The following PROM1 variants were observed in gnomAD, a reference collection of about 807,000 sequenced individuals.
PROM1 encodes prominin-1.
PROM1 carries 105 observed loss-of-function variants against 116.9 expected under a neutral mutation model. The ratio of observed to expected loss-of-function variants is 0.90; its 90% CI spans 0.77 to 1.06. The LOEUF (loss-of-function observed/expected upper bound fraction) is 1.06, where lower values mean the gene tolerates loss of function less well. Ranked by LOEUF, PROM1 falls within the 50% of genes least tolerant of loss-of-function variation. The pLI, the probability that PROM1 is intolerant of heterozygous loss-of-function variation, is 0.00. For missense variants in PROM1, 1,122 were observed against 1,045.2 expected (o/e 1.07, Z -1.01); for synonymous variants, 393 against 387.0 (o/e 1.02, Z -0.18).
chr4:16,020,919 A>T (rs1270498193), intron 8 of PROM1, among the ~76,000 whole-genome samples: 1 of 152,166 alleles, frequency 6.6e-6, no homozygotes, highest in African/African-American at 2.4e-5. Flanking sequence ...TATCTGAAGT[A>T]AGTGGAAAAG....
rs56331443 is a variant in PROM1 at position 15,984,545 on chromosome 4, T to A, written c.2281-190A>T. ...GTCCACAGCCTGTTAGGAACTGGGC[T>A]CCACAGCAGGAAGTGAGGGGCGGGT... On this transcript the variant is annotated intron_variant, in intron 22 of 27. Transcript: ENST00000447510. 0.049 allele frequency among the ~76,000 whole-genome samples: 7,451 copies of A among 152,258 alleles called. 265 individuals are homozygous for A. Among genetic ancestry groups the A allele is most frequent in the Non-Finnish European group, 0.073 (4,962 of 68,014 alleles).
chr4:16,041,785 A>AATAAAT lies in PROM1; in HGVS notation c.221-2785_221-2784insATTTAT, dbSNP rs1207310213. 9.7e-3 allele frequency among the ~76,000 whole-genome samples: 366 copies of AATAAAT among 37,550 alleles called. 1 individual carries two copies. Among genetic ancestry groups the AATAAAT allele is most frequent in the South Asian group, 0.038 (38 of 988 alleles). 24.6% of individuals were successfully genotyped at this position (37,550 alleles called of 152,430 possible). ...AAATAAATAAATAAATAAATAAATA[A>AATAAAT]ATATATATATATATATATATATGAA... On this transcript the variant is annotated intron_variant, in intron 2 of 27. Coordinates refer to ENST00000447510, the MANE Select transcript of PROM1 (RefSeq NM_006017.3).
chr4:16,027,960 C>A (rs902529507), intron 5 of PROM1, among the ~76,000 whole-genome samples: 1 of 152,100 alleles, frequency 6.6e-6, no homozygotes, highest in South Asian at 2.1e-4. Flanking sequence ...ATATTTTAGA[C>A]CTACATTTCT....
rs565651436 is a variant in PROM1 at position 16,072,501 on chromosome 4, A to G, written c.220+3186T>C. On this transcript the variant is annotated intron_variant, in intron 2 of 27. Coordinates refer to ENST00000447510, the MANE Select transcript of PROM1 (RefSeq NM_006017.3). ...CAGTGAAAGAGATCTGACCTAACCA[A>G]CTCCATCTTGCTTCTAACCTCCAAC... is the stretch of plus-strand genomic sequence containing the variant. Among the ~76,000 whole-genome samples, 18 of 152,110 alleles carry G rather than the reference A, an allele frequency of 1.2e-4. No individual in the cohort carries two copies. The South Asian group carries it at 1.2e-3, about 11-fold the overall frequency.
At chr4:16,021,136 A>G (rs1407795048) in intron 8 of PROM1, among the ~76,000 whole-genome samples, 1 of 151,628 alleles carries the variant, frequency 6.6e-6, no homozygotes, top group Non-Finnish European at 1.5e-5. Context: ...TTTATTAAGC[A>G]TGTTTTAAGA....
chr4:16,024,091 G>A (rs553407115), intron 7 of PROM1, among the ~76,000 whole-genome samples: 1 of 152,298 alleles, frequency 6.6e-6, no homozygotes, highest in Non-Finnish European at 1.5e-5. Flanking sequence ...AAAAACAAAA[G>A]GTCCTGCTGC....
Position 15,968,247 on chromosome 4 carries a change from T to C in PROM1, c.*1146A>G, listed in dbSNP as rs1221674763. ...AGACCATGTTTTCCAAGTTCCTTTTTATTCAAATGAATCAGAACTGCAATC... is the reference window on the plus strand; with the variant it reads ...AGACCATGTTTTCCAAGTTCCTTTTCATTCAAATGAATCAGAACTGCAATC... On this transcript the variant is annotated 3_prime_UTR_variant, in exon 28 of 28. Transcript: ENST00000447510. 6.6e-6 allele frequency: 1 copy of C among 152,248 alleles called. No individual in the cohort carries two copies. Among genetic ancestry groups the C allele is most frequent in the Non-Finnish European group, 1.5e-5 (1 of 68,036 alleles). 9.4% of individuals were successfully genotyped at this position (152,248 alleles called of 1,614,324 possible). A position where few individuals can be genotyped will look rare whatever the true frequency, so the allele number is the denominator to read the frequency against.
chr4:16,024,192 G>T, intron 7 of PROM1, 103 bp downstream of exon 7: 1 of 1,029,806 alleles, frequency 9.7e-7, no homozygotes, highest in Non-Finnish European at 1.5e-6. Flanking sequence ...TCATCTTTCT[G>T]TCTTCCCCCA....
At chr4:16,036,070 T>G (rs987311200) in intron 3 of PROM1, among the ~76,000 whole-genome samples, 40 of 152,300 alleles carry the variant, frequency 2.6e-4, no homozygotes, top group African/African-American at 7.9e-4. Flanking sequence ...TACAAATGCT[T>G]AACACACTAA....
chr4:15,977,889 C>T lies in PROM1; in HGVS notation c.2582+1506G>A, dbSNP rs552303965. ...CTGGGATTACAGGCATGAGCCACCGCGCTTGGCCAAGAACTTGATTTTTTT... is the reference window on the plus strand; with the variant it reads ...CTGGGATTACAGGCATGAGCCACCGTGCTTGGCCAAGAACTTGATTTTTTT... On this transcript the variant is annotated intron_variant, in intron 26 of 27. Coordinates refer to ENST00000447510, the MANE Select transcript of PROM1 (RefSeq NM_006017.3). Among the ~76,000 whole-genome samples, 18 of 152,336 alleles carry T rather than the reference C, an allele frequency of 1.2e-4. No individual in the cohort carries two copies. In the East Asian group the frequency reaches 1.7e-3, roughly 15 times the overall value.
At chr4:16,013,419 AC>A in intron 10 of PROM1, 81 bp from the exon 11 acceptor site, 2 of 924,692 alleles carry the variant, frequency 2.2e-6, no homozygotes, top group Non-Finnish European at 1.8e-6. Context: ...GCAACTCAGT[AC>A]GAGTAGAGAG....
chr4:16,069,373 C>G (rs915223672), intron 2 of PROM1, among the ~76,000 whole-genome samples: 7 of 152,200 alleles, frequency 4.6e-5, no homozygotes, highest in African/African-American at 1.7e-4. Context: ...GAACTTATGC[C>G]AAGTTCATCA....
intron 4 of PROM1, among the ~76,000 whole-genome samples, chr4:16,034,281 C>T (rs146026953): frequency 3.9e-5 from 6 of 152,216 alleles, no homozygotes; most frequent in Non-Finnish European, 8.8e-5. Context: ...AAGTCAGGCA[C>T]GTTAAACACA....
intron 9 of PROM1, among the ~76,000 whole-genome samples, chr4:16,017,320 T>C (rs1410083224): frequency 3.4e-4 from 52 of 151,816 alleles, no homozygotes; most frequent in Admixed American, 3.3e-3. Flanking sequence ...GTTTTCCACA[T>C]GTTTGATACA....
chr4:16,039,589 T>C (rs899489706), intron 2 of PROM1, among the ~76,000 whole-genome samples: 2 of 151,944 alleles, frequency 1.3e-5, no homozygotes, highest in African/African-American at 4.8e-5. Flanking sequence ...AATACAAAAA[T>C]TAGCCAGGCG....
chr4:16,081,790 T>C (rs1223917641), intron 1 of PROM1, among the ~76,000 whole-genome samples: 5 of 152,182 alleles, frequency 3.3e-5, no homozygotes, highest in Non-Finnish European at 5.9e-5. Flanking sequence ...GTTCACCTCA[T>C]TGTACTAAAA....
intron 26 of PROM1, among the ~76,000 whole-genome samples, chr4:15,975,933 C>T (rs746157983): frequency 1.3e-5 from 2 of 152,194 alleles, no homozygotes; most frequent in Non-Finnish European, 1.5e-5. Flanking sequence ...CAAAACACTT[C>T]AACCCACCCT....
chr4:16,041,918 C>A (rs1735395380), intron 2 of PROM1, among the ~76,000 whole-genome samples: 1 of 151,918 alleles, frequency 6.6e-6, no homozygotes. Context: ...ATCCTCCCCT[C>A]TCCCCTCAGC....
intron 12 of PROM1, among the ~76,000 whole-genome samples, chr4:16,007,201 T>C (rs543397695): frequency 6.6e-6 from 1 of 152,378 alleles, no homozygotes; most frequent in South Asian, 2.1e-4. Flanking sequence ...TTGGGGCCAC[T>C]GTGTTCTTTA....
Sources: gnomAD v4.1 joint callset for allele counts (sites outside exome capture counted in the v4.1 genomes callset) on GRCh38, gnomAD v4.1.1 for gene constraint, MANE v1.5 for transcripts, NCBI Gene and HGNC (gene_info 2026-07-23, HGNC 2026-07-21) for gene names.